The following KIT variants were observed in gnomAD, a reference collection of about 807,000 sequenced individuals.
The protein encoded by KIT is KIT proto-oncogene, receptor tyrosine kinase, also known as mast/stem cell growth factor receptor Kit.
KIT carries 16 observed loss-of-function variants against 105.7 expected under a neutral mutation model. The ratio of observed to expected loss-of-function variants is 0.15; its 90% CI spans 0.10 to 0.23. KIT has a LOEUF of 0.23. Among genes scored for constraint, KIT ranks in the 10% least tolerant of loss-of-function variants. The probability of loss-of-function intolerance (pLI) is 1.00; values close to 1 mark genes in which losing one functional copy is unlikely to be tolerated. For missense variants in KIT, 858 were observed against 1,213.8 expected, an observed-to-expected ratio of 0.71 and a Z score of 4.36; for synonymous variants, 438 against 441.1, an observed-to-expected ratio of 0.99 and a Z score of 0.09.
At chr4:54,706,371 G>T (rs1035608226) in intron 5 of KIT, among the ~76,000 whole-genome samples, 2 of 152,042 alleles carry the variant, frequency 1.3e-5, no homozygotes, top group African/African-American at 4.8e-5. Context: ...AGTGAAAAGT[G>T]ATGTCTTATT....
At chr4:54,680,128 G>A (rs1225745594) in intron 1 of KIT, among the ~76,000 whole-genome samples, 1 of 152,132 alleles carries the variant, frequency 6.6e-6, no homozygotes, top group African/African-American at 2.4e-5. Flanking sequence ...CCACTGAACT[G>A]TATACTTGCA....
rs192839740 is a variant in KIT at position 54,728,253 on chromosome 4, C to T, written c.1990+132C>T. Reference sequence around the variant, plus strand: ...TTACCCAGACTGTTGTTCTCTCTTGCTAGATTTTGTTTTCCTCATTGTTCT... The same window carrying T: ...TTACCCAGACTGTTGTTCTCTCTTGTTAGATTTTGTTTTCCTCATTGTTCT... On this transcript the variant is annotated intron_variant, in intron 13 of 20. Coordinates refer to ENST00000288135, the MANE Select transcript of KIT (RefSeq NM_000222.3). 192 of 737,072 alleles carry T rather than the reference C, an allele frequency of 2.6e-4. 1 individual carries two copies. In the East Asian group the frequency reaches 4.9e-3, roughly 19 times the overall value. 45.7% of individuals were successfully genotyped at this position (737,072 alleles called of 1,614,324 possible). A position where few individuals can be genotyped will look rare whatever the true frequency, so the allele number is the denominator to read the frequency against.
rs1420595508 is a variant in KIT at position 54,727,869 on chromosome 4, T to C, written c.1821T>C (p.Thr607=). ...CTTTCGGGAAGGTTGTTGAGGCAAC[T>C]GCTTATGGCTTAATTAAGTCAGATG... ...AGAFGKVVEA[T]AYGLIKSDAA... is the part of the protein sequence containing the mutation. Residue 607 remains threonine, a synonymous_variant, in exon 12 of 21, where the codon ACT becomes ACC. Transcript: ENST00000288135. 5.0e-6 allele frequency: 8 copies of C among 1,613,744 alleles called. No individual in the cohort carries two copies. The Admixed American group carries it at 1.0e-4, about 20-fold the overall frequency.
intron 7 of KIT, among the ~76,000 whole-genome samples, chr4:54,712,801 G>C (rs552920301): frequency 6.6e-6 from 1 of 152,162 alleles, no homozygotes. Flanking sequence ...AGCACTTCCT[G>C]AGGTCCCACT....
chr4:54,658,699 C>T (rs1275574542), intron 1 of KIT, among the ~76,000 whole-genome samples: 2 of 152,022 alleles, frequency 1.3e-5, no homozygotes, highest in Non-Finnish European at 2.9e-5. Flanking sequence ...GGCGTTTCCC[C>T]GCCTCCGGGT....
chr4:54,680,757 G>C (rs1718851004), intron 1 of KIT, among the ~76,000 whole-genome samples: 1 of 152,100 alleles, frequency 6.6e-6, no homozygotes. Flanking sequence ...TTTTGCAGAA[G>C]CTTGAGTTTC....
At chr4:54,711,146 A>C (rs1721137053) in intron 7 of KIT, among the ~76,000 whole-genome samples, 1 of 152,140 alleles carries the variant, frequency 6.6e-6, no homozygotes, top group African/African-American at 2.4e-5. Context: ...CTCCCAAAGC[A>C]CTGGGATTAC....
In KIT at chr4:54,698,426, G is replaced by C. The variant is rs1201516128; in HGVS notation, c.480G>C (p.Leu160Phe). The C allele has an allele frequency of 4.3e-6, 7 of 1,614,036 alleles. 1 individual carries two copies. In the African/African-American group the frequency reaches 6.7e-5, roughly 15 times the overall value. The change falls in exon 3 of 21, where the codon TTG (leucine) becomes TTC (phenylalanine). Residue 160 changes from leucine (L) to phenylalanine (F), a missense_variant. By Grantham distance (22) the Leu-to-Phe change is conservative. This residue lies in a region of KIT where 401 missense variants were observed against 601.0 expected (regional missense o/e 0.67). Transcript: ENST00000288135. ...GCQGKPLPKDLRFIPDPKAGI... is the reference protein window; with the variant it reads ...GCQGKPLPKDFRFIPDPKAGI... Reference sequence around the variant, plus strand: ...AGGGGAAGCCTCTTCCCAAGGACTTGAGGTTTATTCCTGACCCCAAGGCGG... The same window carrying C: ...AGGGGAAGCCTCTTCCCAAGGACTTCAGGTTTATTCCTGACCCCAAGGCGG...
intron 16 of KIT, among the ~76,000 whole-genome samples, chr4:54,732,343 G>C (rs896163288): frequency 6.6e-6 from 1 of 152,056 alleles, no homozygotes; most frequent in Non-Finnish European, 1.5e-5. Flanking sequence ...TAAAAGCAGA[G>C]GGCACCTCAT....
At position 54,736,836 on chromosome 4, in the gene KIT, T is replaced by G; in HGVS notation, c.2696+16T>G. The G allele has an allele frequency of 6.2e-7, 1 of 1,609,306 alleles. No homozygotes were observed. The highest frequency in any genetic ancestry group is 8.5e-7 in the Non-Finnish European group (1 of 1,175,752). ...CTGCTGAAATGTAAGAGCCAAAAAATTTTTCCTTTAGGTCACGTTTTCCCT... is the reference window on the plus strand; with the variant it reads ...CTGCTGAAATGTAAGAGCCAAAAAAGTTTTCCTTTAGGTCACGTTTTCCCT... On this transcript the variant is annotated intron_variant, in intron 19 of 20. Transcript: ENST00000288135.
chr4:54,725,147 C>T (rs1415589987), intron 8 of KIT, among the ~76,000 whole-genome samples: 1 of 152,136 alleles, frequency 6.6e-6, no homozygotes, highest in Non-Finnish European at 1.5e-5. Flanking sequence ...CTCTCTTGCC[C>T]AGGCTGGAGT....
chr4:54,731,777 TCATTACCAG>T lies in KIT; in HGVS notation c.2234-92_2234-84del, dbSNP rs570261271. The T allele has an allele frequency of 1.3e-4, 166 of 1,323,244 alleles. No individual in the cohort carries two copies. The African/African-American group carries it at 2.1e-3, about 17-fold the overall frequency. The allele number at this position is 1,323,244 out of a possible 1,614,324, so 82.0% of individuals were successfully genotyped here. A position where few individuals can be genotyped will look rare whatever the true frequency, so the allele number is the denominator to read the frequency against. On this transcript the variant is annotated intron_variant, in intron 15 of 20. Transcript: ENST00000288135. ...TGCCTGCAAGTTCACATTAGTTCAT[TCATTACCAG>T]CCTTTGGTATGTCATTGCCACTGTC... is the stretch of plus-strand genomic sequence containing the variant.
chr4:54,708,167 G>A (rs1044195454), intron 6 of KIT, among the ~76,000 whole-genome samples: 6 of 152,172 alleles, frequency 3.9e-5, no homozygotes, highest in African/African-American at 1.4e-4. Flanking sequence ...ATACCATTCA[G>A]GGAGAGCAGG....
chr4:54,692,725 G>A lies in KIT; in HGVS notation c.68-2787G>A, dbSNP rs575112143. On this transcript the variant is annotated intron_variant, in intron 1 of 20. Transcript: ENST00000288135. ...AACTCTGAAAATAATCCTGGCCACTGCGTGCCCATATTCTTGCTGCCACAT... is the reference window on the plus strand; with the variant it reads ...AACTCTGAAAATAATCCTGGCCACTACGTGCCCATATTCTTGCTGCCACAT... Among the ~76,000 whole-genome samples, 6 of 152,238 alleles carry A rather than the reference G, an allele frequency of 3.9e-5. No individual in the cohort carries two copies. In the East Asian group the frequency reaches 1.2e-3, roughly 29 times the overall value.
At chr4:54,673,659 G>A (rs996509845) in intron 1 of KIT, among the ~76,000 whole-genome samples, 10 of 152,122 alleles carry the variant, frequency 6.6e-5, no homozygotes, top group Non-Finnish European at 1.2e-4. Context: ...TTGTTTACAC[G>A]ATGGATGTCA....
At position 54,736,750 on chromosome 4, in the gene KIT, G is replaced by A. The variant is rs372795544; in HGVS notation, c.2626G>A (p.Asp876Asn). Residue 876 changes from aspartate to asparagine, a missense_variant, in exon 19 of 21, where the codon GAT becomes AAT. This residue lies in a region of KIT where 63 missense variants were observed against 137.4 expected (regional missense o/e 0.46). Coordinates refer to ENST00000288135, the MANE Select transcript of KIT (RefSeq NM_000222.3). ...CAGCCCCTATCCTGGAATGCCGGTC[G>A]ATTCTAAGTTCTACAAGATGATCAA... ...GSSPYPGMPVDSKFYKMIKEG... is the reference protein window; with the variant it reads ...GSSPYPGMPVNSKFYKMIKEG... 3.3e-5 allele frequency: 54 copies of A among 1,613,970 alleles called. No individual in the cohort carries two copies. Among genetic ancestry groups the A allele is most frequent in the Non-Finnish European group, 4.3e-5 (51 of 1,180,006 alleles).
At chr4:54,670,695 T>C (rs933026659) in intron 1 of KIT, among the ~76,000 whole-genome samples, 1 of 152,154 alleles carries the variant, frequency 6.6e-6, no homozygotes, top group African/African-American at 2.4e-5. Flanking sequence ...AGGCAGGTCA[T>C]AGAAACTAGA....
intron 17 of KIT, among the ~76,000 whole-genome samples, chr4:54,734,038 G>C (rs1347478562): frequency 1.3e-5 from 2 of 152,122 alleles, no homozygotes; most frequent in South Asian, 4.1e-4. Context: ...GCCTGTACTC[G>C]ATTTGGTTTT....
rs76674837 is a variant in KIT at position 54,702,709 on chromosome 4, G to A, written c.757-1015G>A. Among the ~76,000 whole-genome samples, 1,377 of 152,146 alleles carry A rather than the reference G, an allele frequency of 9.1e-3. 20 individuals are homozygous for A. The highest frequency in any genetic ancestry group is 0.03 in the African/African-American group (1,259 of 41,516). On this transcript the variant is annotated intron_variant, in intron 4 of 20. Coordinates refer to ENST00000288135, the MANE Select transcript of KIT (RefSeq NM_000222.3). ...TATTGAAGCTTTTATTTTCTGTTGA[G>A]CAATTTCCTTGAGTTAAATTTGCTG...
Sources: gnomAD v4.1 joint callset for allele counts (sites outside exome capture counted in the v4.1 genomes callset) on GRCh38, gnomAD v4.1.1 for gene constraint, gnomAD v4.1.1 regional missense constraint, MANE v1.5 for transcripts, NCBI Gene and HGNC (gene_info 2026-07-23, HGNC 2026-07-21) for gene names.